AGBL1: variants seen among roughly 807,000 people sequenced by gnomAD.
AGBL1 encodes AGBL carboxypeptidase 1.
In AGBL1, 130 loss-of-function variants were observed where a neutral mutation model predicts 118.9. The observed-to-expected ratio is 1.09, with a 90% confidence interval of 0.95 to 1.26. AGBL1 has a LOEUF of 1.26. AGBL1 is among the 50% of genes most tolerant of loss of function. AGBL1 has a pLI of 0.00. For synonymous variants in AGBL1, 555 were observed against 478.9 expected, an observed-to-expected ratio of 1.16 and a Z score of -2.08; for missense variants, 1,584 against 1,298.1, an observed-to-expected ratio of 1.22 and a Z score of -3.38.
At chr15:86,612,526 G>A (rs557510348) in intron 21 of AGBL1, among the ~76,000 whole-genome samples, 1 of 152,128 alleles carries the variant, frequency 6.6e-6, no homozygotes, top group East Asian at 1.9e-4. Flanking sequence ...TTAAAACAGA[G>A]ATCTTAAGAC....
intron 17 of AGBL1, among the ~76,000 whole-genome samples, chr15:86,393,562 T>A (rs2081318979): frequency 6.6e-6 from 1 of 152,206 alleles, no homozygotes; most frequent in Non-Finnish European, 1.5e-5. Flanking sequence ...TTTATTGGCG[T>A]GCCAACACAG....
intron 18 of AGBL1, among the ~76,000 whole-genome samples, chr15:86,487,876 G>A (rs534408539): frequency 2.6e-5 from 4 of 152,072 alleles, no homozygotes; most frequent in Admixed American, 6.6e-5. Context: ...ATGGAACATC[G>A]CTGAGAGAAC....
intron 23 of AGBL1, among the ~76,000 whole-genome samples, chr15:86,923,338 C>G (rs1196226247): frequency 1.3e-5 from 2 of 152,148 alleles, no homozygotes; most frequent in Non-Finnish European, 2.9e-5. Context: ...CCTGCCTTGC[C>G]GGGCTTGTCT....
At chr15:86,940,060 C>CTTTTTT (rs5814267) in intron 23 of AGBL1, among the ~76,000 whole-genome samples, 680 of 59,472 alleles carry the variant, frequency 0.011, 25 homozygotes, top group Non-Finnish European at 0.016. Flanking sequence ...TTTGGTAGTC[C>CTTTTTT]TTTTTTTTTT....
At chr15:86,931,213 G>A (rs1207316951) in intron 23 of AGBL1, among the ~76,000 whole-genome samples, 2 of 152,128 alleles carry the variant, frequency 1.3e-5, no homozygotes, top group Admixed American at 6.6e-5. Context: ...GTTACCCTTC[G>A]CTTCAAGATA....
intron 23 of AGBL1, among the ~76,000 whole-genome samples, chr15:86,928,790 A>G (rs1449001830): frequency 1.3e-5 from 2 of 152,186 alleles, no homozygotes; most frequent in Admixed American, 6.5e-5. Context: ...GTTGTCTCTC[A>G]TATTTTACCT....
intron 22 of AGBL1, among the ~76,000 whole-genome samples, chr15:86,837,772 G>A (rs754619802): frequency 2.6e-5 from 4 of 152,198 alleles, no homozygotes; most frequent in African/African-American, 9.6e-5. Context: ...GGATTAGAGC[G>A]TGAGAGAGAA....
intron 17 of AGBL1, among the ~76,000 whole-genome samples, chr15:86,322,039 A>G (rs1278631975): frequency 6.6e-6 from 1 of 151,018 alleles, no homozygotes; most frequent in African/African-American, 2.4e-5. Context: ...CCATCCTTTG[A>G]TAATTGTTAA....
intron 17 of AGBL1, among the ~76,000 whole-genome samples, chr15:86,374,668 C>G (rs1042328235): frequency 6.6e-6 from 1 of 152,212 alleles, no homozygotes; most frequent in Non-Finnish European, 1.5e-5. Context: ...AAAAGGAGAA[C>G]CTCAGAGTCC....
intron 18 of AGBL1, among the ~76,000 whole-genome samples, chr15:86,429,289 C>T (rs2081904864): frequency 1.3e-5 from 2 of 152,194 alleles, no homozygotes; most frequent in African/African-American, 2.4e-5. Flanking sequence ...TGCCTTTCTC[C>T]AGGGCCAGTC....
chr15:87,020,391 T>C (rs2081652773), intron 24 of AGBL1, among the ~76,000 whole-genome samples: 1 of 152,006 alleles, frequency 6.6e-6, no homozygotes, highest in Non-Finnish European at 1.5e-5. Context: ...CCACAGCCAA[T>C]ATCACACTGA....
intron 19 of AGBL1, 139 bp downstream of exon 19, chr15:86,523,078 C>A: frequency 3.0e-6 from 3 of 1,015,436 alleles, no homozygotes; most frequent in Non-Finnish European, 4.5e-6. Context: ...ATGCATGGTG[C>A]ATTGACTTCC....
At chr15:86,366,034 C>CT (rs1219468607) in intron 17 of AGBL1, among the ~76,000 whole-genome samples, 1 of 152,258 alleles carries the variant, frequency 6.6e-6, no homozygotes, top group African/African-American at 2.4e-5. Flanking sequence ...CCTGATATTC[C>CT]TTTAGCCCTT....
intron 22 of AGBL1, among the ~76,000 whole-genome samples, chr15:86,841,922 C>A (rs2141438754): frequency 6.6e-6 from 1 of 152,202 alleles, no homozygotes; most frequent in South Asian, 2.1e-4. Context: ...AATATGGGAC[C>A]TGAACAAGTT....
chr15:86,190,336 A>C (rs1329745564), intron 5 of AGBL1, among the ~76,000 whole-genome samples: 2 of 152,124 alleles, frequency 1.3e-5, no homozygotes, highest in Non-Finnish European at 2.9e-5. Context: ...ATTAATTACT[A>C]CTAACTACCA....
chr15:86,770,118 C>T (rs1361535615), intron 22 of AGBL1, among the ~76,000 whole-genome samples: 2 of 151,882 alleles, frequency 1.3e-5, no homozygotes, highest in African/African-American at 4.8e-5. Flanking sequence ...TTCTTTATTT[C>T]TTATTTCCTT....
chr15:86,151,250 T>C (rs62012449), intron 3 of AGBL1, among the ~76,000 whole-genome samples: 22,681 of 149,798 alleles, frequency 0.15, 2,240 homozygotes, highest in East Asian at 0.27. Flanking sequence ...TGTATACATA[T>C]GTAACTAAGC....
intron 22 of AGBL1, among the ~76,000 whole-genome samples, chr15:86,816,135 A>G (rs887231306): frequency 6.6e-6 from 1 of 152,222 alleles, no homozygotes; most frequent in Non-Finnish European, 1.5e-5. Flanking sequence ...AGAGGAATTA[A>G]AGAGAGGACA....
chr15:86,120,765 C>G (rs146572458), intron 1 of AGBL1, among the ~76,000 whole-genome samples: 18 of 152,278 alleles, frequency 1.2e-4, no homozygotes, highest in African/African-American at 4.1e-4. Flanking sequence ...ATTAATTTCT[C>G]TAGAAATACC....
Sources: allele counts gnomAD v4.1 joint callset (sites outside exome capture counted in the v4.1 genomes callset), GRCh38; gene constraint gnomAD v4.1.1; transcripts MANE v1.5; gene names NCBI Gene and HGNC (gene_info 2026-07-23, HGNC 2026-07-21).